Variants in UTRN observed in about 807,000 individuals in gnomAD.
UTRN encodes dystrophin-related protein 1.
A neutral mutation model predicts 463.9 loss-of-function variants in UTRN; 283 were observed. The ratio of observed to expected loss-of-function variants is 0.61; its 90% CI spans 0.55 to 0.67. UTRN has a LOEUF of 0.67. Ranked by LOEUF, UTRN falls within the 30% of genes least tolerant of loss-of-function variation. UTRN has a pLI of 0.00. For synonymous variants in UTRN, 1,442 were observed against 1,431.5 expected (o/e 1.01, Z -0.17); for missense variants, 3,922 against 4,084.3 (o/e 0.96, Z 1.08).
At chr6:144,580,697 A>G (rs980394142) in intron 51 of UTRN, among the ~76,000 whole-genome samples, 1 of 152,226 alleles carries the variant, frequency 6.6e-6, no homozygotes, top group Non-Finnish European at 1.5e-5. Context: ...TCCAGCTCAT[A>G]GAGGGTCTTA....
chr6:144,663,550 A>G (rs1780096537), intron 51 of UTRN, among the ~76,000 whole-genome samples: 1 of 152,118 alleles, frequency 6.6e-6, no homozygotes. Flanking sequence ...GTAATGGCCA[A>G]TTTTAGCTCA....
At chr6:144,589,939 C>A (rs529751073) in intron 51 of UTRN, among the ~76,000 whole-genome samples, 1 of 151,878 alleles carries the variant, frequency 6.6e-6, no homozygotes, top group Admixed American at 6.6e-5. Context: ...GCAGCCTTGA[C>A]CTCCTGGGCT....
intron 45 of UTRN, among the ~76,000 whole-genome samples, chr6:144,541,236 C>T (rs1256635174): frequency 6.6e-6 from 1 of 152,154 alleles, no homozygotes; most frequent in African/African-American, 2.4e-5. Context: ...CATGGCCTGG[C>T]GTCCTGTGAT....
intron 43 of UTRN, among the ~76,000 whole-genome samples, chr6:144,536,960 G>GT (rs1797592911): frequency 1.3e-5 from 2 of 151,416 alleles, no homozygotes; most frequent in South Asian, 2.1e-4. Flanking sequence ...TTTTTGCTTT[G>GT]TTTTTTTCTA....
chr6:144,459,358 A>T lies in UTRN; in HGVS notation c.2707+4A>T. Reference sequence around the variant, plus strand: ...CGTCAACAACATCTAGAGAATGGTAAACCCAACAATTTTAAAATCTCCTGT... The same window carrying T: ...CGTCAACAACATCTAGAGAATGGTATACCCAACAATTTTAAAATCTCCTGT... On this transcript the variant is annotated splice_donor_region_variant and intron_variant, in intron 21 of 74. Coordinates refer to ENST00000367545, the MANE Select transcript of UTRN (RefSeq NM_007124.3). 6.3e-7 allele frequency: 1 copy of T among 1,575,020 alleles called. No homozygotes were observed. Among genetic ancestry groups the T allele is most frequent in the Non-Finnish European group, 8.6e-7 (1 of 1,160,990 alleles).
intron 33 of UTRN, among the ~76,000 whole-genome samples, chr6:144,493,763 G>A (rs1190054180): frequency 6.6e-6 from 1 of 152,072 alleles, no homozygotes; most frequent in Non-Finnish European, 1.5e-5. Context: ...GAGCCCAGGG[G>A]TTTGAGACCA....
In UTRN at chr6:144,485,449, C is replaced by A. The variant is rs767258862; in HGVS notation, c.3752C>A (p.Thr1251Asn). ...GATCTTGAAACTACCTGGTTAAACA[C>A]TTTGGAAGAGCGGATGAAGAGCACA... ...YLDLETTWLN[T>N]LEERMKSTEV... is the part of the protein sequence containing the mutation. The change falls in exon 28 of 75, where the codon ACT (threonine) becomes AAT (asparagine). Residue 1251 changes from threonine to asparagine, a missense_variant. By Grantham distance (65) the Thr-to-Asn change is moderately conservative. Coordinates refer to ENST00000367545, the MANE Select transcript of UTRN (RefSeq NM_007124.3). The A allele has an allele frequency of 6.2e-7, 1 of 1,614,178 alleles. No homozygotes were observed. The highest frequency in any genetic ancestry group is 1.3e-5 in the African/African-American group (1 of 75,044).
At chr6:144,598,245 G>A (rs6908795) in intron 51 of UTRN, among the ~76,000 whole-genome samples, 24,370 of 152,150 alleles carry the variant, frequency 0.16, 2,164 homozygotes, top group South Asian at 0.28. Context: ...CCATCAATAC[G>A]TGTAAGATGT....
At chr6:144,528,121 C>A (rs974722602) in intron 41 of UTRN, among the ~76,000 whole-genome samples, 1 of 149,392 alleles carries the variant, frequency 6.7e-6, no homozygotes, top group Non-Finnish European at 1.5e-5. Context: ...ACTGCAACCT[C>A]CGCCTCCCAG....
At chr6:144,848,233 T>G (rs1338921594) in intron 74 of UTRN, among the ~76,000 whole-genome samples, 1 of 152,038 alleles carries the variant, frequency 6.6e-6, no homozygotes, top group African/African-American at 2.4e-5. Flanking sequence ...GCCTGGGAAA[T>G]AGAGTGTGAC....
At chr6:144,763,773 G>T (rs188590770) in intron 58 of UTRN, among the ~76,000 whole-genome samples, 2 of 152,254 alleles carry the variant, frequency 1.3e-5, no homozygotes, top group East Asian at 1.9e-4. Context: ...ATCATTAACG[G>T]TTATAGAAAA....
chr6:144,789,471 G>T (rs1776575813), intron 62 of UTRN, among the ~76,000 whole-genome samples, 192 bp downstream of exon 62: 1 of 152,162 alleles, frequency 6.6e-6, no homozygotes, highest in South Asian at 2.1e-4. Context: ...GAAATGGAAA[G>T]CTGATTATAA....
In UTRN at chr6:144,599,529, ATGTC is replaced by A. The variant is rs749762209; in HGVS notation, c.7479+22242_7479+22245del. Among the ~76,000 whole-genome samples, 120 of 152,304 alleles carry A rather than the reference ATGTC, an allele frequency of 7.9e-4. 1 individual carries two copies. Among genetic ancestry groups the A allele is most frequent in the South Asian group, 2.1e-4 (1 of 4,830 alleles). On this transcript the variant is annotated intron_variant, in intron 51 of 74. Coordinates refer to ENST00000367545, the MANE Select transcript of UTRN (RefSeq NM_007124.3). ...AAATGTTTTTTAGAAAAACCTCTGA[ATGTC>A]AAAGAAGTATAATGACAGCTTGAAT...
intron 39 of UTRN, among the ~76,000 whole-genome samples, chr6:144,517,566 G>A (rs2128593653): frequency 6.6e-6 from 1 of 152,144 alleles, no homozygotes; most frequent in East Asian, 1.9e-4. Context: ...CCTGGGGTCC[G>A]TTCTTTGGTA....
At chr6:144,716,396 T>A (rs1212078579) in intron 53 of UTRN, among the ~76,000 whole-genome samples, 1 of 152,166 alleles carries the variant, frequency 6.6e-6, no homozygotes, top group Admixed American at 6.5e-5. Flanking sequence ...TCTCATTCAG[T>A]GACTATGTTG....
At chr6:144,782,675 A>G (rs1775948710) in intron 61 of UTRN, among the ~76,000 whole-genome samples, 1 of 151,738 alleles carries the variant, frequency 6.6e-6, no homozygotes, top group African/African-American at 2.4e-5. Context: ...AATTTATGCT[A>G]CAGGACACTT....
intron 46 of UTRN, among the ~76,000 whole-genome samples, chr6:144,547,014 G>A (rs1185433080): frequency 6.6e-6 from 1 of 152,208 alleles, no homozygotes; most frequent in Non-Finnish European, 1.5e-5. Flanking sequence ...CACTGTACAC[G>A]TGGGAGAGAC....
intron 41 of UTRN, among the ~76,000 whole-genome samples, chr6:144,526,315 T>C (rs1796565983): frequency 6.6e-6 from 1 of 152,230 alleles, no homozygotes; most frequent in Non-Finnish European, 1.5e-5. Flanking sequence ...TGTTGCTGTT[T>C]ATTTCATTTC....
At chr6:144,297,447 G>A (rs1237370301) in intron 2 of UTRN, among the ~76,000 whole-genome samples, 1 of 152,214 alleles carries the variant, frequency 6.6e-6, no homozygotes, top group East Asian at 1.9e-4. Context: ...AGGAAAGACA[G>A]TGGTTAAGTT....
Sources: gnomAD v4.1 joint callset for allele counts (sites outside exome capture counted in the v4.1 genomes callset) on GRCh38, gnomAD v4.1.1 for gene constraint, MANE v1.5 for transcripts, NCBI Gene and HGNC (gene_info 2026-07-23, HGNC 2026-07-21) for gene names.